LIMD1: variants seen among roughly 807,000 people sequenced by gnomAD.
LIMD1 encodes the protein LIM domain containing 1.
In LIMD1, 23 loss-of-function variants were observed where a neutral mutation model predicts 58.4. The observed-to-expected ratio is 0.39, with a 90% CI of 0.28 to 0.56. The LOEUF (loss-of-function observed/expected upper bound fraction) is 0.56, where lower values mean the gene tolerates loss of function less well. LIMD1 is among the 20% of genes least tolerant of loss of function. LIMD1 has a pLI of 0.57. For missense variants in LIMD1, 838 were observed against 855.5 expected, an observed-to-expected ratio of 0.98 and a Z score of 0.25; for synonymous variants, 334 against 345.5, an observed-to-expected ratio of 0.97 and a Z score of 0.37.
At chr3:45,644,322 T>C (rs1317340841) in intron 2 of LIMD1, among the ~76,000 whole-genome samples, 2 of 152,216 alleles carry the variant, frequency 1.3e-5, no homozygotes, top group African/African-American at 2.4e-5. Flanking sequence ...CCCTTTTTTG[T>C]TGACTTTGTA....
At chr3:45,646,302 G>A (rs1701907290) in intron 2 of LIMD1, among the ~76,000 whole-genome samples, 1 of 152,238 alleles carries the variant, frequency 6.6e-6, no homozygotes, top group African/African-American at 2.4e-5. Flanking sequence ...ATCACAAGGG[G>A]CCTGTTGCAG....
intron 4 of LIMD1, among the ~76,000 whole-genome samples, 186 bp from the exon 5 acceptor site, chr3:45,672,504 G>A (rs1697598072): frequency 6.6e-6 from 1 of 152,166 alleles, no homozygotes; most frequent in Non-Finnish European, 1.5e-5. Context: ...TCTCTTCTGT[G>A]TATTCATCTA....
rs1225300596 is a variant in LIMD1, at chr3:45,619,833, C to G, written c.1409-16317C>G. 4.6e-3 allele frequency among the ~76,000 whole-genome samples: 616 copies of G among 133,602 alleles called. 8 individuals carry two copies. Among genetic ancestry groups the G allele is most frequent in the African/African-American group, 0.016 (586 of 37,108 alleles). 87.6% of individuals were successfully genotyped at this position (133,602 alleles called of 152,430 possible). ...ATAATAATAACCAACCCCCCGCCCC[C>G]CCCCCCAAAAAAAGCACATTTTACT... On this transcript the variant is annotated intron_variant, in intron 1 of 7. Coordinates refer to ENST00000273317, the MANE Select transcript of LIMD1 (RefSeq NM_014240.3).
chr3:45,630,892 G>C (rs888332731), intron 1 of LIMD1, among the ~76,000 whole-genome samples: 2 of 152,186 alleles, frequency 1.3e-5, no homozygotes, highest in Non-Finnish European at 2.9e-5. Flanking sequence ...GATGGCAGCA[G>C]CTCCTTCACT....
intron 4 of LIMD1, among the ~76,000 whole-genome samples, chr3:45,671,675 A>G (rs1444779690): frequency 6.6e-6 from 1 of 152,214 alleles, no homozygotes; most frequent in Non-Finnish European, 1.5e-5. Context: ...GAATCACCCT[A>G]TTAAAATACC....
At position 45,679,237 on chromosome 3, in the gene LIMD1, G is replaced by C. The variant is rs551481058; in HGVS notation, c.*2178G>C. The C allele has an allele frequency of 6.6e-6, 1 of 152,298 alleles. No homozygotes were observed. The highest frequency in any genetic ancestry group is 2.4e-5 in the African/African-American group (1 of 41,556). The allele number at this position is 152,298 out of a possible 1,614,324, so 9.4% of individuals were successfully genotyped here. A position where few individuals can be genotyped will look rare whatever the true frequency, so the allele number is the denominator to read the frequency against. On this transcript the variant is annotated 3_prime_UTR_variant, in exon 8 of 8. Coordinates refer to ENST00000273317, the MANE Select transcript of LIMD1 (RefSeq NM_014240.3). ...ATTGAGGTGATTCAGATAGGTTTGCGAATATACCATTTTATATTGTTGAGA... is the reference window on the plus strand; with the variant it reads ...ATTGAGGTGATTCAGATAGGTTTGCCAATATACCATTTTATATTGTTGAGA...
In LIMD1 at chr3:45,681,465, C is replaced by T. The variant is rs966806133; in HGVS notation, c.*4406C>T. 6.6e-6 allele frequency: 1 copy of T among 152,208 alleles called. No individual in the cohort carries two copies. The highest frequency in any genetic ancestry group is 2.4e-5 in the African/African-American group (1 of 41,440). 9.4% of individuals were successfully genotyped at this position (152,208 alleles called of 1,614,324 possible). On this transcript the variant is annotated 3_prime_UTR_variant, in exon 8 of 8. Transcript: ENST00000273317. ...GGATCCTGGCAGAAGTTATGAGACT[C>T]ATAGGTCAGAGACAAAGGACAGTTT...
At chr3:45,662,631 T>G (rs1433445413) in intron 2 of LIMD1, among the ~76,000 whole-genome samples, 1 of 152,110 alleles carries the variant, frequency 6.6e-6, no homozygotes, top group Non-Finnish European at 1.5e-5. Context: ...GCAGCTGCCA[T>G]TATGAATTGA....
At position 45,682,324 on chromosome 3, in the gene LIMD1, C is replaced by G. The variant is rs945137696; in HGVS notation, c.*5265C>G. On this transcript the variant is annotated 3_prime_UTR_variant, in exon 8 of 8. Coordinates refer to ENST00000273317, the MANE Select transcript of LIMD1 (RefSeq NM_014240.3). ...GTGCTGGCAAACCAGCCCTCTGGGG[C>G]AAAAAATTAAAAAGCCTTGATATGG... 4 of 152,096 alleles carry G rather than the reference C, an allele frequency of 2.6e-5. No homozygotes were observed. Among genetic ancestry groups the G allele is most frequent in the Non-Finnish European group, 4.4e-5 (3 of 68,026 alleles). 9.4% of individuals were successfully genotyped at this position (152,096 alleles called of 1,614,324 possible). A position where few individuals can be genotyped will look rare whatever the true frequency, so the allele number is the denominator to read the frequency against.
At chr3:45,668,770 C>T (rs1203569743) in intron 4 of LIMD1, among the ~76,000 whole-genome samples, 7 of 151,862 alleles carry the variant, frequency 4.6e-5, no homozygotes, top group Non-Finnish European at 8.8e-5. Flanking sequence ...AAAAAAAAGT[C>T]CCTGTAAAGT....
At chr3:45,619,700 G>A (rs952239197) in intron 1 of LIMD1, among the ~76,000 whole-genome samples, 2 of 152,102 alleles carry the variant, frequency 1.3e-5, no homozygotes, top group Non-Finnish European at 2.9e-5. Flanking sequence ...TCGGGAGACT[G>A]AAGCAGGAGA....
rs1482838452 is a variant in LIMD1 at position 45,596,017 on chromosome 3, G to T, written c.1138G>T (p.Gly380Cys). 1.2e-6 allele frequency: 2 copies of T among 1,614,108 alleles called. No homozygotes were observed. The highest frequency in any genetic ancestry group is 2.7e-5 in the African/African-American group (2 of 74,928). Residue 380 changes from glycine to cysteine, a missense_variant, in exon 1 of 8, where the codon GGT (glycine) becomes TGT (cysteine). This residue lies in a region of LIMD1 where 659 missense variants were observed against 639.8 expected (regional missense o/e 1.03). Coordinates refer to ENST00000273317, the MANE Select transcript of LIMD1 (RefSeq NM_014240.3). ...GCCTGGCTGCACAGACCTTGGCACTGGTCCCAAGCTCAGCCCCACCAGTCT... is the reference window on the plus strand; with the variant it reads ...GCCTGGCTGCACAGACCTTGGCACTTGTCCCAAGCTCAGCCCCACCAGTCT... Reference protein sequence around the residue: ...PKPGCTDLGTGPKLSPTSLVH... With the variant: ...PKPGCTDLGTCPKLSPTSLVH...
intron 4 of LIMD1, among the ~76,000 whole-genome samples, chr3:45,671,102 G>A (rs1386003211): frequency 6.6e-6 from 1 of 152,216 alleles, no homozygotes; most frequent in Non-Finnish European, 1.5e-5. Context: ...GGTCCAAATT[G>A]CCAAATGGGT....
chr3:45,673,450 A>G lies in LIMD1; in HGVS notation c.1773-4A>G, dbSNP rs567286806. ...ATTTATTGCTGCTTTGTTTCTCCCC[A>G]CAGGGTGCTGGCCCCCAAGTGTGCA... is the stretch of plus-strand genomic sequence containing the variant. On this transcript the variant is annotated splice_polypyrimidine_tract_variant and splice_region_variant and intron_variant, in intron 5 of 7. Coordinates refer to ENST00000273317, the MANE Select transcript of LIMD1 (RefSeq NM_014240.3). 1.9e-6 allele frequency: 3 copies of G among 1,613,572 alleles called. No homozygotes were observed. The highest frequency in any genetic ancestry group is 4.5e-5 in the East Asian group (2 of 44,882).
intron 1 of LIMD1, among the ~76,000 whole-genome samples, chr3:45,598,219 G>T (rs1434851115): frequency 1.3e-5 from 2 of 152,142 alleles, no homozygotes; most frequent in Admixed American, 1.3e-4. Context: ...CTCCCAAAGT[G>T]CTGGGATTAC....
At chr3:45,645,527 T>C (rs1430708438) in intron 2 of LIMD1, among the ~76,000 whole-genome samples, 1 of 152,172 alleles carries the variant, frequency 6.6e-6, no homozygotes, top group Admixed American at 6.5e-5. Context: ...GGGTGATACT[T>C]GGCGGTGCCC....
At chr3:45,650,622 A>G (rs1701958643) in intron 2 of LIMD1, among the ~76,000 whole-genome samples, 1 of 151,852 alleles carries the variant, frequency 6.6e-6, no homozygotes, top group Admixed American at 6.6e-5. Flanking sequence ...TTTGCTGAGA[A>G]TGATGGTTTC....
chr3:45,631,983 G>A (rs1394308047), intron 1 of LIMD1, among the ~76,000 whole-genome samples: 2 of 152,184 alleles, frequency 1.3e-5, no homozygotes, highest in African/African-American at 4.8e-5. Flanking sequence ...TGGTGGAAAG[G>A]GTGGGCATGC....
chr3:45,612,907 G>A (rs527525181), intron 1 of LIMD1: 1 of 152,316 alleles, frequency 6.6e-6, no homozygotes, highest in East Asian at 1.9e-4. Context: ...ACAGAGTGCT[G>A]AAAAGTTTGA....
Sources: gnomAD v4.1 joint callset for allele counts (sites outside exome capture counted in the v4.1 genomes callset) on GRCh38, gnomAD v4.1.1 for gene constraint, gnomAD v4.1.1 regional missense constraint, MANE v1.5 for transcripts, NCBI Gene and HGNC (gene_info 2026-07-23, HGNC 2026-07-21) for gene names.